The following CABIN1 variants were observed in gnomAD, a reference collection of about 807,000 sequenced individuals.
The protein encoded by CABIN1 is calcineurin binding protein 1.
In CABIN1, 133 loss-of-function variants were observed where a neutral mutation model predicts 227.7. That is an observed-to-expected ratio of 0.58 (90% CI 0.51 to 0.67). The LOEUF (loss-of-function observed/expected upper bound fraction) is 0.67. CABIN1 is among the 30% of genes least tolerant of loss of function. The pLI is 0.00. For synonymous variants in CABIN1, 1,086 were observed against 1,155.1 expected, an observed-to-expected ratio of 0.94 and a Z score of 1.21; for missense variants, 2,408 against 2,852.5, an observed-to-expected ratio of 0.84 and a Z score of 3.55.
intron 26 of CABIN1, chr22:24,102,887 A>C (rs946828079): frequency 1.3e-5 from 2 of 152,350 alleles, no homozygotes; most frequent in African/African-American, 4.8e-5. Flanking sequence ...CCCTGTGCCA[A>C]ACCCCCATTG....
At chr22:24,028,376 T>C (rs910330163) in intron 1 of CABIN1, among the ~76,000 whole-genome samples, 6 of 152,188 alleles carry the variant, frequency 3.9e-5, no homozygotes, top group Admixed American at 3.3e-4. Context: ...ATGAGAATGC[T>C]CCTCCTCGTA....
At chr22:24,072,212 G>C in intron 17 of CABIN1, 142 bp from the exon 18 acceptor site, 1 of 768,758 alleles carries the variant, frequency 1.3e-6, no homozygotes, top group Middle Eastern at 3.1e-4. Flanking sequence ...GGATCTGCTA[G>C]GTTACAGTGC....
chr22:24,175,774 C>T lies in CABIN1; in HGVS notation c.6041-337C>T. ...TGAGCTGGAGGGAGAGTGGACACTG[C>T]CCCCCCATCCCCTCTCACTGCCTTG... On this transcript the variant is annotated intron_variant, in intron 34 of 36. Transcript: ENST00000263119. 3 of 439,212 alleles carry T rather than the reference C, an allele frequency of 6.8e-6. 1 individual carries two copies. The highest frequency in any genetic ancestry group is 4.4e-5 in the South Asian group (2 of 45,260). 27.2% of individuals were successfully genotyped at this position (439,212 alleles called of 1,614,324 possible).
At chr22:24,064,279 C>T in intron 15 of CABIN1, 92 bp downstream of exon 15, 1 of 1,338,752 alleles carries the variant, frequency 7.5e-7, no homozygotes, top group Non-Finnish European at 1.1e-6. Flanking sequence ...AATCTCGGCT[C>T]ACTGCAACCT....
chr22:24,053,057 TTTTTTTC>T (rs1172012899), intron 8 of CABIN1, among the ~76,000 whole-genome samples: 2,223 of 150,302 alleles, frequency 0.015, 47 homozygotes, highest in African/African-American at 0.049. Flanking sequence ...GCACTGTCCT[TTTTTTTC>T]TTTTTTCTTT....
rs1327785620 is a variant in CABIN1 at position 24,060,148 on chromosome 22, G to T, written c.1617+7G>T. 20 of 1,612,486 alleles carry T rather than the reference G, an allele frequency of 1.2e-5. No homozygotes were observed. The highest frequency in any genetic ancestry group is 1.6e-5 in the Non-Finnish European group (19 of 1,179,744). The stretch of plus-strand genomic sequence containing the variant: ...CAGCAACAAGCACATCAAGGTTAGG[G>T]GGAGCCTCTCAAGGGCTGGTATTGA... On this transcript the variant is annotated splice_region_variant and intron_variant, in intron 12 of 36. Transcript: ENST00000263119.
At chr22:24,076,630 C>T (rs184895743) in intron 19 of CABIN1, among the ~76,000 whole-genome samples, 3 of 152,264 alleles carry the variant, frequency 2.0e-5, no homozygotes, top group African/African-American at 7.2e-5. Flanking sequence ...GGAGTAATAA[C>T]CACATGCACC....
At chr22:24,156,010 G>A (rs1435247733) in intron 29 of CABIN1, 1 of 573,594 alleles carries the variant, frequency 1.7e-6, no homozygotes, top group South Asian at 2.0e-5. Flanking sequence ...GAGCGAACGA[G>A]CCTCCGCGGC....
At chr22:24,126,953 C>T (rs185935215) in intron 28 of CABIN1, among the ~76,000 whole-genome samples, 38 of 149,010 alleles carry the variant, frequency 2.6e-4, no homozygotes, top group Non-Finnish European at 4.1e-4. Context: ...GAGCCAAGGT[C>T]GTGCCACTGC....
Position 24,089,681 on chromosome 22 carries a change from T to C in CABIN1, c.3526-1902T>C, listed in dbSNP as rs938733742. Among the ~76,000 whole-genome samples, 44 of 152,176 alleles carry C rather than the reference T, an allele frequency of 2.9e-4. 1 individual carries two copies. Among genetic ancestry groups the C allele is most frequent in the Admixed American group, 1.3e-4 (2 of 15,290 alleles). On this transcript the variant is annotated intron_variant, in intron 23 of 36. Transcript: ENST00000263119. ...CAGTCCCCTGATTGCTACTTTTCTG[T>C]CTGGATTTATTGTGTCTGGAGGATG...
intron 24 of CABIN1, among the ~76,000 whole-genome samples, chr22:24,092,689 TG>T (rs1341496885): frequency 1.6e-5 from 2 of 123,440 alleles, no homozygotes; most frequent in African/African-American, 3.2e-5. Flanking sequence ...ATTATAAAAG[TG>T]TGTGTGTGTG....
intron 26 of CABIN1, among the ~76,000 whole-genome samples, chr22:24,107,693 ATAT>A (rs1264713879): frequency 6.6e-6 from 1 of 152,186 alleles, no homozygotes; most frequent in Admixed American, 6.5e-5. Flanking sequence ...TTGAGAGTAA[ATAT>A]CTACTTGCCT....
chr22:24,169,648 T>G (rs2046670142), intron 33 of CABIN1, among the ~76,000 whole-genome samples: 2 of 152,148 alleles, frequency 1.3e-5, no homozygotes, highest in South Asian at 4.1e-4. Flanking sequence ...TGGGCCCCAG[T>G]GCTGGGCGCA....
rs780609165 is a variant in CABIN1, at chr22:24,060,120, CT to C, written c.1597del (p.Cys533AlafsTer9). 1.9e-6 allele frequency: 3 copies of C among 1,613,718 alleles called. No individual in the cohort carries two copies. The African/African-American group carries it at 4.0e-5, about 22-fold the overall frequency. ...GCCTGCCCAACCCGCTGCTGAGGGA[CT>C]GCAGCAACAAGCACATCAAGGTTAG... is the stretch of plus-strand genomic sequence containing the variant. ...TSLPNPLLRD[C>X]SNKHIKDMML... On this transcript the variant is annotated frameshift_variant, in exon 12 of 37. Transcript: ENST00000263119. LOFTEE classifies it high-confidence loss of function.
At chr22:24,140,975 G>T (rs898845885) in intron 29 of CABIN1, among the ~76,000 whole-genome samples, 3 of 152,206 alleles carry the variant, frequency 2.0e-5, no homozygotes, top group African/African-American at 7.2e-5. Context: ...CCCTTACTCA[G>T]CTTGGGCTAC....
At chr22:24,156,184 T>C (rs2045790944) in intron 29 of CABIN1, 5 of 390,930 alleles carry the variant, frequency 1.3e-5, no homozygotes, top group Non-Finnish European at 4.5e-6. Context: ...TCCACTTTGC[T>C]GGCGCTTTTG....
intron 29 of CABIN1, among the ~76,000 whole-genome samples, chr22:24,163,764 G>A (rs1445123855): frequency 3.9e-5 from 6 of 152,194 alleles, no homozygotes; most frequent in African/African-American, 1.2e-4. Flanking sequence ...GATAGGTAGG[G>A]GGTGCCCAGT....
intron 24 of CABIN1, among the ~76,000 whole-genome samples, chr22:24,092,904 G>A (rs145045726): frequency 9.2e-4 from 140 of 152,022 alleles, no homozygotes; most frequent in Middle Eastern, 3.4e-3. Flanking sequence ...TTGTCTTTTC[G>A]CTGGACAAAA....
chr22:24,034,580 T>C (rs760974089), intron 1 of CABIN1, among the ~76,000 whole-genome samples: 31 of 152,234 alleles, frequency 2.0e-4, no homozygotes, highest in South Asian at 6.2e-4. Context: ...CATGAACAAG[T>C]TTTGGCGTGG....
Sources: gnomAD v4.1 joint callset for allele counts (sites outside exome capture counted in the v4.1 genomes callset) on GRCh38, gnomAD v4.1.1 for gene constraint, MANE v1.5 for transcripts, NCBI Gene and HGNC (gene_info 2026-07-23, HGNC 2026-07-21) for gene names.